ARL15: variants seen among roughly 807,000 people sequenced by gnomAD.
The protein encoded by ARL15 is ARF like GTPase 15.
Under a neutral mutation model 25.2 loss-of-function variants are expected in ARL15, and 19 were observed. The ratio of observed to expected loss-of-function variants is 0.75; its 90% confidence interval spans 0.53 to 1.10. The LOEUF (loss-of-function observed/expected upper bound fraction) is 1.10, where lower values mean the gene tolerates loss of function less well. Among genes scored for constraint, ARL15 ranks in the 50% least tolerant of loss-of-function variants. ARL15 has a pLI of 0.00. For synonymous variants in ARL15, 94 were observed against 86.8 expected, an observed-to-expected ratio of 1.08 and a Z score of -0.46; for missense variants, 220 against 246.0, an observed-to-expected ratio of 0.89 and a Z score of 0.71.
At chr5:54,045,874 G>T (rs1750493765) in intron 4 of ARL15, among the ~76,000 whole-genome samples, 1 of 152,192 alleles carries the variant, frequency 6.6e-6, no homozygotes, top group African/African-American at 2.4e-5. Context: ...CAGAATAAAA[G>T]AGTAGTCACC....
At chr5:54,150,943 T>A (rs1245661664) in intron 3 of ARL15, among the ~76,000 whole-genome samples, 1 of 151,462 alleles carries the variant, frequency 6.6e-6, no homozygotes, top group African/African-American at 2.4e-5. Flanking sequence ...GTGGGAGCAC[T>A]TCTCTTGTGC....
At chr5:54,099,623 C>G (rs1268645942) in intron 4 of ARL15, among the ~76,000 whole-genome samples, 2 of 151,970 alleles carry the variant, frequency 1.3e-5, no homozygotes, top group African/African-American at 4.8e-5. Flanking sequence ...ATTTAAAAAG[C>G]ACTCCCATGA....
intron 4 of ARL15, among the ~76,000 whole-genome samples, chr5:53,972,499 T>C (rs1464333358): frequency 6.6e-6 from 1 of 152,226 alleles, no homozygotes; most frequent in African/African-American, 2.4e-5. Flanking sequence ...TTCCGGGTCT[T>C]AGTACAGATA....
chr5:53,925,284 T>C (rs879763885), intron 4 of ARL15, among the ~76,000 whole-genome samples: 2 of 151,784 alleles, frequency 1.3e-5, no homozygotes, highest in Admixed American at 6.6e-5. Context: ...GCAGCCTCAA[T>C]GTCCAAGCTC....
intron 4 of ARL15, among the ~76,000 whole-genome samples, chr5:54,079,868 G>T (rs960069617): frequency 1.3e-5 from 2 of 151,904 alleles, no homozygotes; most frequent in African/African-American, 4.8e-5. Flanking sequence ...CACTCAGGAG[G>T]CTGGGGCCAG....
chr5:54,037,313 C>T (rs553648360), intron 4 of ARL15, among the ~76,000 whole-genome samples: 2 of 152,000 alleles, frequency 1.3e-5, no homozygotes, highest in South Asian at 2.1e-4. Context: ...TCTGTCCTTA[C>T]CCTTTATTTT....
intron 4 of ARL15, among the ~76,000 whole-genome samples, chr5:53,992,032 G>C (rs1347800519): frequency 4.6e-5 from 7 of 152,170 alleles, no homozygotes; most frequent in Non-Finnish European, 7.4e-5. Context: ...ATTGGATAGA[G>C]TTGCCTTCAT....
chr5:54,237,284 G>C (rs1476322010), intron 1 of ARL15, among the ~76,000 whole-genome samples: 1 of 152,180 alleles, frequency 6.6e-6, no homozygotes, highest in African/African-American at 2.4e-5. Flanking sequence ...ATGATTGTAA[G>C]TTTCCTGAGG....
intron 4 of ARL15, among the ~76,000 whole-genome samples, chr5:54,095,628 GT>G (rs1420424469): frequency 6.6e-6 from 1 of 152,100 alleles, no homozygotes; most frequent in Non-Finnish European, 1.5e-5. Flanking sequence ...AGGACAGTAA[GT>G]TAAGCCCAAA....
rs577151983 is a variant in ARL15, at chr5:54,038,875, T to C, written c.462+74327A>G. On this transcript the variant is annotated intron_variant, in intron 4 of 4. Coordinates refer to ENST00000504924, the MANE Select transcript of ARL15 (RefSeq NM_019087.3). The stretch of plus-strand genomic sequence containing the variant: ...CACTTGGGAAAATCAAAGACTTTCA[T>C]TATATTGACACAAAAGTTAACAGAG... 9.8e-5 allele frequency among the ~76,000 whole-genome samples: 15 copies of C among 152,334 alleles called. No individual in the cohort carries two copies. In the South Asian group the frequency reaches 1.9e-3, roughly 19 times the overall value.
Position 54,113,411 on chromosome 5 carries a change from C to T in ARL15, c.254-1G>A. The T allele has an allele frequency of 6.2e-7, 1 of 1,605,476 alleles. No homozygotes were observed. Among genetic ancestry groups the T allele is most frequent in the South Asian group, 1.1e-5 (1 of 88,926 alleles). On this transcript the variant is annotated splice_acceptor_variant, in intron 3 of 4. Coordinates refer to ENST00000504924, the MANE Select transcript of ARL15 (RefSeq NM_019087.3). LOFTEE classifies it high-confidence loss of function. ...CAGTATTTCCGGATGTTATCAGCCC[C>T]TGTCAAAAACAAAACAAATTTTCGT...
chr5:54,034,603 TG>T (rs1750108155), intron 4 of ARL15, among the ~76,000 whole-genome samples: 1 of 152,178 alleles, frequency 6.6e-6, no homozygotes, highest in Admixed American at 6.5e-5. Flanking sequence ...AAACATAATT[TG>T]GTGGGTATGA....
rs117086277 is a variant in ARL15, at chr5:53,917,345, C to G, written c.463-30632G>C. Among the ~76,000 whole-genome samples, 67 of 152,320 alleles carry G rather than the reference C, an allele frequency of 4.4e-4. No homozygotes were observed. The East Asian group carries it at 0.012, about 28-fold the overall frequency. On this transcript the variant is annotated intron_variant, in intron 4 of 4. Transcript: ENST00000504924. Reference sequence around the variant, plus strand: ...TTGATGGAGAATTACTCCATTGGCTCAAGCCTGGATGGGCCCCTAGTGGAG... The same window carrying G: ...TTGATGGAGAATTACTCCATTGGCTGAAGCCTGGATGGGCCCCTAGTGGAG...
intron 4 of ARL15, among the ~76,000 whole-genome samples, chr5:54,004,471 G>A (rs1413932950): frequency 1.3e-5 from 2 of 148,616 alleles, no homozygotes; most frequent in African/African-American, 5.0e-5. Flanking sequence ...ACTCCAGCCT[G>A]GTGACAGAGC....
At chr5:54,049,608 T>C (rs1241470340) in intron 4 of ARL15, among the ~76,000 whole-genome samples, 1 of 152,024 alleles carries the variant, frequency 6.6e-6, no homozygotes, top group African/African-American at 2.4e-5. Context: ...TTGTTGTTGT[T>C]GTTGTTGTTT....
At chr5:54,059,308 G>A (rs778179681) in intron 4 of ARL15, among the ~76,000 whole-genome samples, 5 of 152,344 alleles carry the variant, frequency 3.3e-5, no homozygotes, top group South Asian at 2.1e-4. Flanking sequence ...TAGGGCCTCC[G>A]TTCCGACAGC....
intron 1 of ARL15, among the ~76,000 whole-genome samples, chr5:54,209,319 A>T (rs1755966866): frequency 7.2e-6 from 1 of 137,938 alleles, no homozygotes; most frequent in South Asian, 2.3e-4. Flanking sequence ...GATGGTGGTA[A>T]ATATAAAAAG....
intron 1 of ARL15, among the ~76,000 whole-genome samples, chr5:54,227,045 T>C (rs1561274806): frequency 6.6e-6 from 1 of 152,214 alleles, no homozygotes; most frequent in Non-Finnish European, 1.5e-5. Context: ...GTGGCCTCCC[T>C]AGCCATGTGG....
intron 4 of ARL15, among the ~76,000 whole-genome samples, chr5:53,951,773 A>G (rs1746972776): frequency 6.6e-6 from 1 of 151,938 alleles, no homozygotes; most frequent in Non-Finnish European, 1.5e-5. Context: ...ATGCTTTAAA[A>G]TTATAACCAG....
Sources: gnomAD v4.1 joint callset for allele counts (sites outside exome capture counted in the v4.1 genomes callset) on GRCh38, gnomAD v4.1.1 for gene constraint, MANE v1.5 for transcripts, NCBI Gene and HGNC (gene_info 2026-07-23, HGNC 2026-07-21) for gene names.